The following PPP2R2B variants were observed in gnomAD, a reference collection of about 807,000 sequenced individuals.
PPP2R2B encodes the protein serine/threonine-protein phosphatase 2A 55 kDa regulatory subunit B beta isoform.
In PPP2R2B, 5 loss-of-function variants were observed where a neutral mutation model predicts 46.0. That is an observed-to-expected ratio of 0.11 (90% confidence interval 0.06 to 0.23). PPP2R2B has a LOEUF of 0.23. Ranked by LOEUF, PPP2R2B falls within the 10% of genes least tolerant of loss-of-function variation. The pLI, the probability that PPP2R2B is intolerant of heterozygous loss-of-function variation, is 1.00. For synonymous variants in PPP2R2B, 215 were observed against 206.7 expected, an observed-to-expected ratio of 1.04 and a Z score of -0.34; for missense variants, 367 against 575.0, an observed-to-expected ratio of 0.64 and a Z score of 3.70.
At position 146,967,079 on chromosome 5, in the gene PPP2R2B, A is replaced by T. The variant is rs573018355; in HGVS notation, c.79+88586T>A. Among the ~76,000 whole-genome samples the T allele has an allele frequency of 2.0e-5, 3 of 152,328 alleles. No individual in the cohort carries two copies. In the East Asian group the frequency reaches 5.8e-4, roughly 29 times the overall value. The stretch of plus-strand genomic sequence containing the variant: ...TCATAGAAGTGAAGCAATTTGCTGA[A>T]AGTCACTCAGTTCAGGTTTAAAACC... On this transcript the variant is annotated intron_variant, in intron 1 of 8. Coordinates refer to the PPP2R2B transcript ENST00000336640.
Position 146,951,360 on chromosome 5 carries a change from A to T in PPP2R2B, c.79+104305T>A, listed in dbSNP as rs190485981. ...AAGTTCCTCATGCCTTTTTTTTTTA[A>T]AAATTAAGTTCCAGTGTATATGTGC... On this transcript the variant is annotated intron_variant, in intron 1 of 8. Coordinates refer to the PPP2R2B transcript ENST00000336640. 7.0e-3 allele frequency among the ~76,000 whole-genome samples: 1,043 copies of T among 148,770 alleles called. 21 individuals carry two copies. The East Asian group carries it at 0.071, about 10-fold the overall frequency.
intron 5 of PPP2R2B, among the ~76,000 whole-genome samples, chr5:146,688,942 G>A (rs781554972): frequency 6.6e-6 from 1 of 152,112 alleles, no homozygotes; most frequent in Non-Finnish European, 1.5e-5. Context: ...GTCTCGAGGG[G>A]CAAAAGACAG....
At chr5:146,845,944 G>A (rs1018736050) in intron 2 of PPP2R2B, among the ~76,000 whole-genome samples, 1 of 152,112 alleles carries the variant, frequency 6.6e-6, no homozygotes, top group African/African-American at 2.4e-5. Context: ...AATGACACCA[G>A]TCTGAATTCA....
At chr5:146,829,454 A>G (rs1237225534) in intron 2 of PPP2R2B, among the ~76,000 whole-genome samples, 1 of 152,214 alleles carries the variant, frequency 6.6e-6, no homozygotes, top group Non-Finnish European at 1.5e-5. Flanking sequence ...ATTTTGTTTC[A>G]TTTGCAACAT....
chr5:146,959,362 A>T (rs1752067487), intron 1 of PPP2R2B, among the ~76,000 whole-genome samples: 1 of 152,146 alleles, frequency 6.6e-6, no homozygotes, highest in Non-Finnish European at 1.5e-5. Context: ...GCCTTCAGAA[A>T]GCTTACAGTC....
intron 5 of PPP2R2B, among the ~76,000 whole-genome samples, chr5:146,662,874 A>T (rs890192261): frequency 2.0e-5 from 3 of 152,162 alleles, no homozygotes; most frequent in African/African-American, 7.2e-5. Flanking sequence ...TATGGGCAAA[A>T]ATAGGAATGA....
chr5:146,752,080 G>A (rs1437604460), intron 2 of PPP2R2B, among the ~76,000 whole-genome samples: 1 of 152,042 alleles, frequency 6.6e-6, no homozygotes, highest in Non-Finnish European at 1.5e-5. Flanking sequence ...GAGAACAGAT[G>A]GTGGATAGAA....
At chr5:146,885,251 G>A (rs569755124) in intron 1 of PPP2R2B, among the ~76,000 whole-genome samples, 1 of 152,230 alleles carries the variant, frequency 6.6e-6, no homozygotes, top group East Asian at 1.9e-4. Flanking sequence ...TATAACCAAA[G>A]TCAGATAGAT....
chr5:146,878,497 C>T lies in PPP2R2B; in HGVS notation c.-125+94G>A, dbSNP rs1762038808. The T allele has an allele frequency of 7.5e-7, 1 of 1,326,140 alleles. No individual in the cohort carries two copies. The highest frequency in any genetic ancestry group is 1.5e-5 in the African/African-American group (1 of 67,156). 82.1% of individuals were successfully genotyped at this position (1,326,140 alleles called of 1,614,324 possible). ...GCTCCAAAATGCAAAAAAGATCCCT[C>T]CTCCCCCTGGGAGAGCGGGCAGCCG... On this transcript the variant is annotated intron_variant, in intron 1 of 9. Coordinates refer to ENST00000394411, the MANE Select transcript of PPP2R2B (RefSeq NM_181675.4). The surrounding 1 kb of genome is among the most constrained non-coding windows in gnomAD (Gnocchi z 4.5).
intron 2 of PPP2R2B, among the ~76,000 whole-genome samples, chr5:146,710,569 T>C (rs1328872227): frequency 1.3e-5 from 2 of 152,202 alleles, no homozygotes; most frequent in African/African-American, 4.8e-5. Context: ...CAGTGGGAAA[T>C]TGATAGCAGT....
At chr5:147,025,870 A>T (rs945466075) in intron 1 of PPP2R2B, among the ~76,000 whole-genome samples, 11 of 152,166 alleles carry the variant, frequency 7.2e-5, no homozygotes, top group African/African-American at 2.7e-4. Context: ...AAATAAGAAC[A>T]TAAAAAGATA....
chr5:147,064,316 G>T (rs1757356086), intron 2 of PPP2R2B, among the ~76,000 whole-genome samples: 1 of 152,126 alleles, frequency 6.6e-6, no homozygotes, highest in South Asian at 2.1e-4. Flanking sequence ...TGCTTGTGTG[G>T]GGGAGATGGG....
intron 8 of PPP2R2B, among the ~76,000 whole-genome samples, chr5:146,598,007 A>T (rs1316302845): frequency 2.0e-5 from 3 of 152,190 alleles, no homozygotes; most frequent in African/African-American, 7.2e-5. Flanking sequence ...AGCAGAAAAC[A>T]TGCTGTAATA....
intron 2 of PPP2R2B, among the ~76,000 whole-genome samples, chr5:147,077,689 C>A (rs563262674): frequency 1.3e-5 from 2 of 152,228 alleles, no homozygotes; most frequent in South Asian, 2.1e-4. Flanking sequence ...GGCCAGGGAA[C>A]CTCCATGCCA....
At chr5:147,003,229 C>T (rs957268443) in intron 1 of PPP2R2B, among the ~76,000 whole-genome samples, 2 of 152,088 alleles carry the variant, frequency 1.3e-5, no homozygotes, top group South Asian at 4.2e-4. Context: ...CCCTATAACT[C>T]CCCTTCCTAT....
At chr5:146,753,699 A>G (rs1753686978) in intron 2 of PPP2R2B, among the ~76,000 whole-genome samples, 1 of 152,188 alleles carries the variant, frequency 6.6e-6, no homozygotes, top group African/African-American at 2.4e-5. Flanking sequence ...TTATGCATCA[A>G]TAATACTTGC....
intron 1 of PPP2R2B, among the ~76,000 whole-genome samples, chr5:146,905,850 T>C (rs1056392942): frequency 3.3e-5 from 5 of 152,158 alleles, no homozygotes; most frequent in Admixed American, 6.6e-5. Flanking sequence ...TAGGTTGGGA[T>C]TGATTTCAAA....
At chr5:146,688,180 GAAAGGAGAGGAGGT>G (rs1778626649) in intron 5 of PPP2R2B, among the ~76,000 whole-genome samples, 1 of 152,092 alleles carries the variant, frequency 6.6e-6, no homozygotes, top group Admixed American at 6.5e-5. Flanking sequence ...GAGAGCCTAG[GAAAGGAGAGGAGGT>G]AAATACAGAT....
intron 2 of PPP2R2B, among the ~76,000 whole-genome samples, chr5:147,080,686 G>A (rs1329573399): frequency 6.6e-6 from 1 of 152,088 alleles, no homozygotes; most frequent in Admixed American, 6.5e-5. Flanking sequence ...TGCACTTCAT[G>A]TATTGCCAAT....
Sources: allele counts gnomAD v4.1 joint callset (sites outside exome capture counted in the v4.1 genomes callset), GRCh38; gene constraint gnomAD v4.1.1; non-coding constraint Gnocchi (gnomAD v3.1); transcripts MANE v1.5; gene names NCBI Gene and HGNC (gene_info 2026-07-23, HGNC 2026-07-21).